Variants in PLD5 observed in about 807,000 individuals in gnomAD.
PLD5 encodes inactive phospholipase D5.
In PLD5, 36 loss-of-function variants were observed where a neutral mutation model predicts 61.1. That is an observed-to-expected ratio of 0.59 (90% confidence interval 0.45 to 0.78). The LOEUF (loss-of-function observed/expected upper bound fraction) is 0.78, where lower values mean the gene tolerates loss of function less well. Among genes scored for constraint, PLD5 ranks in the 30% least tolerant of loss-of-function variants. The pLI, the probability that PLD5 is intolerant of heterozygous loss-of-function variation, is 0.00. For synonymous variants in PLD5, 243 were observed against 242.8 expected (o/e 1.00, Z -0.01); for missense variants, 515 against 644.4 (o/e 0.80, Z 2.17).
chr1:242,187,689 C>A (rs1667993003), intron 5 of PLD5, among the ~76,000 whole-genome samples: 1 of 152,042 alleles, frequency 6.6e-6, no homozygotes, highest in Non-Finnish European at 1.5e-5. Flanking sequence ...TCCTTTTTAG[C>A]CATTATAAAT....
intron 4 of PLD5, among the ~76,000 whole-genome samples, chr1:242,255,281 T>C (rs2149088493): frequency 6.6e-6 from 1 of 152,222 alleles, no homozygotes; most frequent in South Asian, 2.1e-4. Context: ...ACTACCAAAT[T>C]ATACTTATAA....
At position 242,348,253 on chromosome 1, in the gene PLD5, A is replaced by G; in HGVS notation, c.190-11T>C. 6.6e-7 allele frequency: 1 copy of G among 1,504,124 alleles called. No individual in the cohort carries two copies. Among genetic ancestry groups the G allele is most frequent in the Non-Finnish European group, 8.9e-7 (1 of 1,126,858 alleles). The allele number at this position is 1,504,124 out of a possible 1,614,324, so 93.2% of individuals were successfully genotyped here. A position where few individuals can be genotyped will look rare whatever the true frequency, so the allele number is the denominator to read the frequency against. The stretch of plus-strand genomic sequence containing the variant: ...GCACTTCTGCTGGGACTGAAAGAGG[A>G]AACAAAGACAAAGAAAAGTAAGTGG... On this transcript the variant is annotated splice_polypyrimidine_tract_variant and intron_variant, in intron 1 of 9. Coordinates refer to ENST00000536534, the MANE Select transcript of PLD5 (RefSeq NM_001372062.1).
intron 2 of PLD5, among the ~76,000 whole-genome samples, chr1:242,328,289 GTATGTATGTTCTACATATA>G (rs1037000621): frequency 1.9e-4 from 28 of 149,994 alleles, no homozygotes; most frequent in East Asian, 9.8e-4. Flanking sequence ...TTATATATAT[GTATGTATGTTCTACATATA>G]TATGTTCTAC....
chr1:242,258,183 A>C (rs1673188885), intron 4 of PLD5, among the ~76,000 whole-genome samples: 2 of 152,174 alleles, frequency 1.3e-5, no homozygotes, highest in African/African-American at 4.8e-5. Context: ...GTTTTTGCTT[A>C]TATTTTTGGA....
chr1:242,259,221 A>G (rs1436118573), intron 4 of PLD5, among the ~76,000 whole-genome samples: 1 of 151,888 alleles, frequency 6.6e-6, no homozygotes, highest in Non-Finnish European at 1.5e-5. Flanking sequence ...AGGTGGGAGC[A>G]CCACTTGATC....
chr1:242,203,264 C>T (rs1239634430), intron 5 of PLD5, among the ~76,000 whole-genome samples: 1 of 152,172 alleles, frequency 6.6e-6, no homozygotes, highest in African/African-American at 2.4e-5. Context: ...CTACGGCTTC[C>T]CCATCCCACA....
intron 1 of PLD5, among the ~76,000 whole-genome samples, chr1:242,388,023 G>C (rs1161463433): frequency 6.6e-6 from 1 of 152,180 alleles, no homozygotes; most frequent in African/African-American, 2.4e-5. Context: ...AGACACAGGG[G>C]TTGCCTTGGA....
chr1:242,513,134 C>T (rs187277865), intron 1 of PLD5, among the ~76,000 whole-genome samples: 29 of 152,266 alleles, frequency 1.9e-4, no homozygotes, highest in Admixed American at 1.8e-3. Flanking sequence ...CCCAGTCCAG[C>T]CTCCCAAAGT....
intron 4 of PLD5, among the ~76,000 whole-genome samples, chr1:242,247,524 C>T (rs1472253668): frequency 5.3e-5 from 8 of 152,164 alleles, no homozygotes; most frequent in African/African-American, 1.9e-4. Context: ...GTTTATAATT[C>T]TGTATCTTAT....
intron 1 of PLD5, among the ~76,000 whole-genome samples, chr1:242,502,271 G>A (rs189709256): frequency 7.6e-4 from 115 of 152,126 alleles, no homozygotes; most frequent in African/African-American, 2.6e-3. Context: ...TTACAATGTC[G>A]ATGGCCACCG....
rs545388259 is a variant in PLD5 at position 242,141,837 on chromosome 1, A to G, written c.736-17172T>C. 5.9e-5 allele frequency among the ~76,000 whole-genome samples: 9 copies of G among 152,360 alleles called. No individual in the cohort carries two copies. In the South Asian group the frequency reaches 1.9e-3, roughly 32 times the overall value. On this transcript the variant is annotated intron_variant, in intron 5 of 9. Transcript: ENST00000536534. ...CAGAATTCTGCTTTTAAGGAGGACTAGATATGTAGTTTACAGAAATCCACC... is the reference window on the plus strand; with the variant it reads ...CAGAATTCTGCTTTTAAGGAGGACTGGATATGTAGTTTACAGAAATCCACC...
At chr1:242,167,542 G>T (rs1414545495) in intron 5 of PLD5, among the ~76,000 whole-genome samples, 2 of 152,178 alleles carry the variant, frequency 1.3e-5, no homozygotes, top group Admixed American at 1.3e-4. Flanking sequence ...TACAATTCAA[G>T]ATGAGATTTG....
intron 1 of PLD5, among the ~76,000 whole-genome samples, chr1:242,455,048 C>G (rs947351074): frequency 1.3e-5 from 2 of 152,144 alleles, no homozygotes; most frequent in Admixed American, 1.3e-4. Flanking sequence ...AAAATACGGG[C>G]GTAAATGCCT....
In PLD5 at chr1:242,492,506, G is replaced by C. The variant is rs572248618; in HGVS notation, c.189+31582C>G. Reference sequence around the variant, plus strand: ...CATTGCACTCCAGTATGGATAACAAGAGCAAAACTCCGTCTCAAAAAAAAA... The same window carrying C: ...CATTGCACTCCAGTATGGATAACAACAGCAAAACTCCGTCTCAAAAAAAAA... On this transcript the variant is annotated intron_variant, in intron 1 of 9. Coordinates refer to ENST00000536534, the MANE Select transcript of PLD5 (RefSeq NM_001372062.1). Among the ~76,000 whole-genome samples, 26 of 136,390 alleles carry C rather than the reference G, an allele frequency of 1.9e-4. 1 individual carries two copies. In the South Asian group the frequency reaches 5.9e-3, roughly 31 times the overall value. The allele number at this position is 136,390 out of a possible 152,430, so 89.5% of individuals were successfully genotyped here. A position where few individuals can be genotyped will look rare whatever the true frequency, so the allele number is the denominator to read the frequency against.
intron 5 of PLD5, among the ~76,000 whole-genome samples, chr1:242,207,852 T>TTATATATTTATATATTTA (rs1558344124): frequency 1.1e-4 from 3 of 27,844 alleles, no homozygotes; most frequent in Non-Finnish European, 1.7e-4. Context: ...TTATATATAT[T>TTATATATTTATATATTTA]TATATATTTA....
chr1:242,129,822 T>C (rs1379104025), intron 5 of PLD5, among the ~76,000 whole-genome samples: 2 of 152,166 alleles, frequency 1.3e-5, no homozygotes, highest in Non-Finnish European at 2.9e-5. Flanking sequence ...ATCTCCAATG[T>C]CAATTATTCT....
intron 5 of PLD5, among the ~76,000 whole-genome samples, chr1:242,180,450 A>G (rs1403507433): frequency 6.6e-6 from 1 of 152,078 alleles, no homozygotes; most frequent in South Asian, 2.1e-4. Context: ...CAATGAAGAG[A>G]GGTGTGTTGA....
At chr1:242,225,776 C>T (rs1334433100) in intron 4 of PLD5, among the ~76,000 whole-genome samples, 1 of 152,236 alleles carries the variant, frequency 6.6e-6, no homozygotes, top group African/African-American at 2.4e-5. Context: ...ATCCATTCTC[C>T]AGTTGAGAAA....
At chr1:242,337,006 G>T (rs995172753) in intron 2 of PLD5, among the ~76,000 whole-genome samples, 2 of 152,002 alleles carry the variant, frequency 1.3e-5, no homozygotes, top group African/African-American at 4.8e-5. Flanking sequence ...TCAAATCAAG[G>T]CTGCTTAAAT....
Sources: gnomAD v4.1 joint callset for allele counts (sites outside exome capture counted in the v4.1 genomes callset) on GRCh38, gnomAD v4.1.1 for gene constraint, MANE v1.5 for transcripts, NCBI Gene and HGNC (gene_info 2026-07-23, HGNC 2026-07-21) for gene names.